Variants in SPIRE1 observed in about 807,000 individuals in gnomAD.
SPIRE1 encodes the protein protein spire homolog 1.
Under a neutral mutation model 94.1 loss-of-function variants are expected in SPIRE1, and 40 were observed. That is an observed-to-expected ratio of 0.43 (90% confidence interval 0.33 to 0.55). The LOEUF is 0.55. Among genes scored for constraint, SPIRE1 ranks in the 20% least tolerant of loss-of-function variants. The probability of loss-of-function intolerance (pLI) is 0.06; values close to 1 mark genes in which losing one functional copy is unlikely to be tolerated. For missense variants in SPIRE1, 838 were observed against 975.2 expected (o/e 0.86, Z 1.87); for synonymous variants, 376 against 371.7 (o/e 1.01, Z -0.13).
intron 2 of SPIRE1, among the ~76,000 whole-genome samples, chr18:12,567,000 A>T (rs1446889093): frequency 6.6e-6 from 1 of 152,174 alleles, no homozygotes; most frequent in Non-Finnish European, 1.5e-5. Flanking sequence ...CACCACAACC[A>T]AGTGGCATTT....
At chr18:12,632,278 G>A (rs75206646) in intron 2 of SPIRE1, among the ~76,000 whole-genome samples, 6,368 of 152,192 alleles carry the variant, frequency 0.042, 201 homozygotes, top group Non-Finnish European at 0.061. Context: ...GACAACCATC[G>A]TCTCCCATGT....
chr18:12,463,629 A>AG (rs2031967486), intron 11 of SPIRE1, 136 bp from the exon 12 acceptor site: 1 of 701,666 alleles, frequency 1.4e-6, no homozygotes, highest in Non-Finnish European at 2.3e-6. Context: ...TGGTAATGGT[A>AG]ATCCTTAGGA....
rs754818224 is a variant in SPIRE1, at chr18:12,535,483, G to A, written c.722C>T (p.Ala241Val). ...CAAAGCAGTAGTACTCACCTCTTTC[G>A]CACTCTTAATTTTGGTCAGAAATGT... ...LHTFLTKIKSAKENLKKIQEM... is the reference protein window; with the variant it reads ...LHTFLTKIKSVKENLKKIQEM... Residue 241 changes from alanine (A) to valine (V), a missense_variant, in exon 4 of 17, where the codon GCG becomes GTG. By Grantham distance (64) the Ala-to-Val change is moderately conservative (BLOSUM62 0). Transcript: ENST00000409402. 1.9e-5 allele frequency: 30 copies of A among 1,611,452 alleles called. No homozygotes were observed. Among genetic ancestry groups the A allele is most frequent in the Non-Finnish European group, 2.4e-5 (28 of 1,178,252 alleles).
chr18:12,622,096 T>C (rs1020497546), intron 2 of SPIRE1, among the ~76,000 whole-genome samples: 7 of 152,176 alleles, frequency 4.6e-5, no homozygotes, highest in African/African-American at 9.6e-5. Context: ...TCTATCATAC[T>C]GACTTCTCTC....
At chr18:12,637,033 A>C (rs1190291544) in intron 1 of SPIRE1, among the ~76,000 whole-genome samples, 1 of 152,240 alleles carries the variant, frequency 6.6e-6, no homozygotes, top group Non-Finnish European at 1.5e-5. Flanking sequence ...AGGAGCACTC[A>C]GGCAAACTGT....
chr18:12,491,020 A>G (rs538918319), intron 8 of SPIRE1, among the ~76,000 whole-genome samples: 1 of 152,302 alleles, frequency 6.6e-6, no homozygotes, highest in South Asian at 2.1e-4. Context: ...TCTTACAGAT[A>G]GAAAACTCCA....
At chr18:12,645,968 C>A (rs562737764) in intron 1 of SPIRE1, among the ~76,000 whole-genome samples, 4 of 152,164 alleles carry the variant, frequency 2.6e-5, no homozygotes, top group African/African-American at 4.8e-5. Flanking sequence ...CGTGCCAACT[C>A]CAAATAATTA....
rs1488268104 is a variant in SPIRE1 at position 12,447,760 on chromosome 18, A to C, written c.*1878T>G. 2 of 152,200 alleles carry C rather than the reference A, an allele frequency of 1.3e-5. No individual in the cohort carries two copies. The highest frequency in any genetic ancestry group is 2.9e-5 in the Non-Finnish European group (2 of 68,036). 9.4% of individuals were successfully genotyped at this position (152,200 alleles called of 1,614,324 possible). On this transcript the variant is annotated 3_prime_UTR_variant, in exon 17 of 17. Coordinates refer to ENST00000409402, the MANE Select transcript of SPIRE1 (RefSeq NM_001128626.2). Reference sequence around the variant, plus strand: ...TCTTATTTTGGGGGTGTAGTTTCTTATGTTTTAATAAAAACAGTAGTCATT... The same window carrying C: ...TCTTATTTTGGGGGTGTAGTTTCTTCTGTTTTAATAAAAACAGTAGTCATT...
chr18:12,486,995 G>A (rs1338967341), intron 8 of SPIRE1, among the ~76,000 whole-genome samples: 2 of 152,142 alleles, frequency 1.3e-5, no homozygotes, highest in South Asian at 4.1e-4. Context: ...TGGGATTACA[G>A]GTGCCCACCA....
intron 2 of SPIRE1, among the ~76,000 whole-genome samples, chr18:12,627,027 T>G (rs1310382882): frequency 2.6e-5 from 4 of 151,814 alleles, no homozygotes; most frequent in African/African-American, 9.7e-5. Flanking sequence ...TCAAACTAAA[T>G]ATTCTTTTGC....
At chr18:12,506,021 G>A (rs978225840) in intron 6 of SPIRE1, among the ~76,000 whole-genome samples, 1 of 152,042 alleles carries the variant, frequency 6.6e-6, no homozygotes. Flanking sequence ...CCTTCTTTAA[G>A]CTTAATGTAC....
At chr18:12,609,145 G>A (rs1428907175) in intron 2 of SPIRE1, among the ~76,000 whole-genome samples, 2 of 152,180 alleles carry the variant, frequency 1.3e-5, no homozygotes, top group Non-Finnish European at 2.9e-5. Flanking sequence ...CAGAGCTCAG[G>A]TTGTAATGCT....
At chr18:12,634,314 C>A (rs2037865201) in intron 2 of SPIRE1, among the ~76,000 whole-genome samples, 1 of 150,936 alleles carries the variant, frequency 6.6e-6, no homozygotes, top group Non-Finnish European at 1.5e-5. Context: ...TAACAAAGCA[C>A]CAAATTTATT....
At chr18:12,518,259 C>A (rs2034256579) in intron 4 of SPIRE1, among the ~76,000 whole-genome samples, 1 of 152,186 alleles carries the variant, frequency 6.6e-6, no homozygotes, top group Non-Finnish European at 1.5e-5. Flanking sequence ...GTCTGCCCGT[C>A]TTGGAGTCCC....
At chr18:12,560,886 A>G (rs535342515) in intron 2 of SPIRE1, among the ~76,000 whole-genome samples, 3 of 152,286 alleles carry the variant, frequency 2.0e-5, no homozygotes, top group Admixed American at 2.0e-4. Flanking sequence ...AAACAACAAC[A>G]AAAAGAACAA....
At chr18:12,505,552 C>CAAAA (rs57390189) in intron 6 of SPIRE1, among the ~76,000 whole-genome samples, 1 of 112,784 alleles carries the variant, frequency 8.9e-6, no homozygotes, top group East Asian at 2.3e-4. Flanking sequence ...GACCCTGTCT[C>CAAAA]AAAAAAAAAA....
rs185608964 is a variant in SPIRE1 at position 12,497,239 on chromosome 18, C to T, written c.973-1137G>A. ...TAAGTAGAAGAGCTATTGTGGAGGACCAGTCTGTCTCTGATTCTACTCTAA... is the reference window on the plus strand; with the variant it reads ...TAAGTAGAAGAGCTATTGTGGAGGATCAGTCTGTCTCTGATTCTACTCTAA... On this transcript the variant is annotated intron_variant, in intron 6 of 16. Transcript: ENST00000409402. Among the ~76,000 whole-genome samples the T allele has an allele frequency of 3.0e-4, 46 of 152,294 alleles. 1 individual carries two copies. In the East Asian group the frequency reaches 5.4e-3, roughly 18 times the overall value.
intron 2 of SPIRE1, among the ~76,000 whole-genome samples, chr18:12,577,656 A>C (rs1044544563): frequency 1.3e-5 from 2 of 152,218 alleles, no homozygotes; most frequent in African/African-American, 2.4e-5. Flanking sequence ...AAGTTGACAA[A>C]TTAGAGTTGA....
chr18:12,609,065 C>T (rs1347201817), intron 2 of SPIRE1, among the ~76,000 whole-genome samples: 3 of 152,116 alleles, frequency 2.0e-5, no homozygotes, highest in African/African-American at 7.2e-5. Flanking sequence ...CTGGATACCT[C>T]GCACGCACAG....
Sources: gnomAD v4.1 joint callset for allele counts (sites outside exome capture counted in the v4.1 genomes callset) on GRCh38, gnomAD v4.1.1 for gene constraint, MANE v1.5 for transcripts, NCBI Gene and HGNC (gene_info 2026-07-23, HGNC 2026-07-21) for gene names.